RTN1: variants seen among roughly 807,000 people sequenced by gnomAD.
RTN1 encodes the protein reticulon-1.
A neutral mutation model predicts 65.5 loss-of-function variants in RTN1; 25 were observed. That is an observed-to-expected ratio of 0.38 (90% confidence interval 0.28 to 0.53). RTN1 has a LOEUF of 0.53. Among genes scored for constraint, RTN1 ranks in the 20% least tolerant of loss-of-function variants. The pLI is 0.79. For synonymous variants in RTN1, 471 were observed against 447.6 expected (o/e 1.05, Z -0.66); for missense variants, 983 against 1,025.4 (o/e 0.96, Z 0.57).
intron 8 of RTN1, among the ~76,000 whole-genome samples, chr14:59,600,157 A>G (rs1460943587): frequency 4.6e-5 from 7 of 152,166 alleles, no homozygotes; most frequent in Non-Finnish European, 2.9e-5. Flanking sequence ...CGACCTAGAC[A>G]GGGTCACTCA....
At chr14:59,660,511 G>T (rs1338256806) in intron 3 of RTN1, among the ~76,000 whole-genome samples, 2 of 152,158 alleles carry the variant, frequency 1.3e-5, no homozygotes, top group African/African-American at 4.8e-5. Context: ...TTCAGCAAAT[G>T]CAAAAGAACA....
intron 3 of RTN1, among the ~76,000 whole-genome samples, chr14:59,683,246 A>G (rs754180578): frequency 1.3e-5 from 2 of 152,222 alleles, no homozygotes; most frequent in African/African-American, 2.4e-5. Context: ...GTGTATTAAC[A>G]CAATGACTTA....
chr14:59,626,480 C>G (rs956793277), intron 3 of RTN1, among the ~76,000 whole-genome samples: 7 of 152,136 alleles, frequency 4.6e-5, no homozygotes, highest in Non-Finnish European at 8.8e-5. Context: ...AGCATCCTGC[C>G]AGGTGAATTT....
intron 3 of RTN1, among the ~76,000 whole-genome samples, chr14:59,662,789 A>G (rs1211238981): frequency 1.3e-5 from 2 of 152,092 alleles, no homozygotes; most frequent in African/African-American, 4.8e-5. Context: ...ATGGAAAAAC[A>G]CTCCATGCTC....
At chr14:59,707,454 A>G (rs904602320) in intron 3 of RTN1, among the ~76,000 whole-genome samples, 15 of 152,120 alleles carry the variant, frequency 9.9e-5, no homozygotes, top group Non-Finnish European at 1.5e-5. Context: ...TTTGTATACT[A>G]TTAGTCTCTT....
intron 1 of RTN1, among the ~76,000 whole-genome samples, chr14:59,752,481 T>C (rs1433073202): frequency 1.3e-5 from 2 of 152,074 alleles, no homozygotes; most frequent in African/African-American, 4.8e-5. Flanking sequence ...TTTTAGCATA[T>C]GAATTTTGGG....
intron 3 of RTN1, among the ~76,000 whole-genome samples, chr14:59,630,058 C>G (rs921463037): frequency 1.3e-5 from 2 of 152,056 alleles, no homozygotes; most frequent in African/African-American, 2.4e-5. Flanking sequence ...GAGATTTCAA[C>G]CTTTGGGCAG....
At chr14:59,643,547 G>C (rs562648698) in intron 3 of RTN1, among the ~76,000 whole-genome samples, 1 of 152,310 alleles carries the variant, frequency 6.6e-6, no homozygotes, top group East Asian at 1.9e-4. Context: ...GCCTCAGACA[G>C]ATCTACTAGT....
At chr14:59,634,259 T>A (rs542100084) in intron 3 of RTN1, among the ~76,000 whole-genome samples, 11 of 152,314 alleles carry the variant, frequency 7.2e-5, no homozygotes, top group Non-Finnish European at 1.5e-4. Context: ...CATGACAGAA[T>A]GTAATAATTG....
At chr14:59,690,791 T>C (rs1463960001) in intron 3 of RTN1, among the ~76,000 whole-genome samples, 1 of 152,040 alleles carries the variant, frequency 6.6e-6, no homozygotes, top group Non-Finnish European at 1.5e-5. Flanking sequence ...AGAAGATCTC[T>C]CAAAACCATA....
At chr14:59,792,674 A>T (rs1886370242) in intron 1 of RTN1, among the ~76,000 whole-genome samples, 1 of 152,168 alleles carries the variant, frequency 6.6e-6, no homozygotes, top group Admixed American at 6.5e-5. Flanking sequence ...GGAAATGCCA[A>T]GGTCTATGTA....
At chr14:59,634,665 G>A (rs1385042912) in intron 3 of RTN1, among the ~76,000 whole-genome samples, 2 of 152,138 alleles carry the variant, frequency 1.3e-5, no homozygotes, top group East Asian at 1.9e-4. Flanking sequence ...CTGGGAACTC[G>A]AGTCCAGAGG....
intron 1 of RTN1, among the ~76,000 whole-genome samples, chr14:59,806,826 C>T (rs983418000): frequency 6.6e-6 from 1 of 152,190 alleles, no homozygotes; most frequent in African/African-American, 2.4e-5. Flanking sequence ...CATAGTATTC[C>T]ATGGTGTATA....
chr14:59,870,633 C>G lies in RTN1; in HGVS notation c.-3G>C. ...TGCGGATCCCCCGGCGCGGCCATGG[C>G]TGGCGGTCCCCCGGCGCGGCGACGG... On this transcript the variant is annotated 5_prime_UTR_variant, in exon 1 of 9. Transcript: ENST00000267484. This position sits in a 1 kb window ranked among gnomAD's most constrained non-coding sequence, Gnocchi z 5.1. The G allele has an allele frequency of 2.2e-6, 3 of 1,389,348 alleles. No individual in the cohort carries two copies. The East Asian group carries it at 9.4e-5, about 43-fold the overall frequency. The allele number at this position is 1,389,348 out of a possible 1,614,324, so 86.1% of individuals were successfully genotyped here.
chr14:59,633,491 G>A (rs1045858222), intron 3 of RTN1, among the ~76,000 whole-genome samples: 2 of 152,188 alleles, frequency 1.3e-5, no homozygotes, highest in African/African-American at 2.4e-5. Context: ...CATAAACATC[G>A]TAAATGGGTG....
chr14:59,727,382 A>G lies in RTN1; in HGVS notation c.1302T>C (p.Phe434=), dbSNP rs757289864. 13 of 1,535,334 alleles carry G rather than the reference A, an allele frequency of 8.5e-6. No individual in the cohort carries two copies. The Admixed American group carries it at 2.6e-4, about 31-fold the overall frequency. ...AGGGCGGCGGGCCGCCCACGTGGCC[A>G]AAGCTCACATAGCCTGAGGGCAGCG... ...EDALPSGYVS[F]GHVGGPPPSP... The change falls in exon 3 of 9, where the codon TTT becomes TTC. Residue 434 remains phenylalanine, a synonymous_variant. Transcript: ENST00000267484. This position sits in a 1 kb window ranked among gnomAD's most constrained non-coding sequence, Gnocchi z 4.2.
At chr14:59,602,904 A>G (rs1241690018) in intron 8 of RTN1, among the ~76,000 whole-genome samples, 161 bp downstream of exon 8, 1 of 152,192 alleles carries the variant, frequency 6.6e-6, no homozygotes, top group Admixed American at 6.5e-5. Flanking sequence ...CTTATTTTCT[A>G]AAATAACATA....
chr14:59,739,532 C>T (rs571629238), intron 2 of RTN1, among the ~76,000 whole-genome samples: 1 of 129,674 alleles, frequency 7.7e-6, no homozygotes, highest in South Asian at 2.4e-4. Context: ...CAGAGCGAGA[C>T]TCTGTCTCAA....
intron 1 of RTN1, among the ~76,000 whole-genome samples, chr14:59,792,036 G>C (rs1269809780): frequency 1.3e-5 from 2 of 152,126 alleles, no homozygotes; most frequent in Non-Finnish European, 2.9e-5. Context: ...CAGAATGTAA[G>C]AGATTGGAAT....
Sources: gnomAD v4.1 joint callset for allele counts (sites outside exome capture counted in the v4.1 genomes callset) on GRCh38, gnomAD v4.1.1 for gene constraint, Gnocchi (gnomAD v3.1) non-coding constraint, MANE v1.5 for transcripts, NCBI Gene and HGNC (gene_info 2026-07-23, HGNC 2026-07-21) for gene names.